LARP1B: variants seen among roughly 807,000 people sequenced by gnomAD.
LARP1B encodes the protein La ribonucleoprotein 1B, also known as la-related protein 1B.
A neutral mutation model predicts 114.2 loss-of-function variants in LARP1B; 76 were observed. That is an observed-to-expected ratio of 0.67 (90% CI 0.55 to 0.81). The LOEUF is 0.81. Among genes scored for constraint, LARP1B ranks in the 30% least tolerant of loss-of-function variants. The probability of loss-of-function intolerance (pLI) is 0.00; values close to 1 mark genes in which losing one functional copy is unlikely to be tolerated. For synonymous variants in LARP1B, 345 were observed against 348.0 expected (o/e 0.99, Z 0.10); for missense variants, 1,014 against 1,075.8 (o/e 0.94, Z 0.80).
rs188271805 is a variant in LARP1B at position 128,169,154 on chromosome 4, T to A, written c.1648+6837T>A. The stretch of plus-strand genomic sequence containing the variant: ...TTTATAAATTTGTGTCTTTTTTGTC[T>A]TGATCGATCTAGCTAGAGGTTCATC... On this transcript the variant is annotated intron_variant, in intron 12 of 19. Transcript: ENST00000326639. 3.3e-5 allele frequency among the ~76,000 whole-genome samples: 5 copies of A among 152,172 alleles called. No homozygotes were observed. In the East Asian group the frequency reaches 9.7e-4, roughly 29 times the overall value.
At chr4:128,162,128 T>G (rs1738792910) in intron 11 of LARP1B, 66 bp from the exon 12 acceptor site, 8 of 1,468,984 alleles carry the variant, frequency 5.4e-6, no homozygotes, top group Non-Finnish European at 6.5e-6. Context: ...GAGGTTGGTA[T>G]CAATTATTGT....
intron 8 of LARP1B, among the ~76,000 whole-genome samples, chr4:128,105,624 G>A (rs1781806919): frequency 6.6e-6 from 1 of 152,198 alleles, no homozygotes; most frequent in Non-Finnish European, 1.5e-5. Flanking sequence ...CAGGCGTGGT[G>A]TTTCACACCT....
chr4:128,128,500 T>G lies in LARP1B; in HGVS notation c.1524+6312T>G, dbSNP rs369980873. On this transcript the variant is annotated intron_variant, in intron 11 of 19. Transcript: ENST00000326639. ...CTCAGAGCACTTATGTTAGCCTTAG[T>G]TGGGCAAAATCATTTAAACACAAGG... Among the ~76,000 whole-genome samples, 4 of 152,338 alleles carry G rather than the reference T, an allele frequency of 2.6e-5. No homozygotes were observed. The East Asian group carries it at 7.7e-4, about 29-fold the overall frequency.
At chr4:128,064,703 A>G (rs944767655) in intron 1 of LARP1B, among the ~76,000 whole-genome samples, 4 of 152,086 alleles carry the variant, frequency 2.6e-5, no homozygotes, top group Non-Finnish European at 5.9e-5. Flanking sequence ...CCAAGTAGGA[A>G]CTCTTTGTTG....
At chr4:128,061,711 G>A (rs1684507985) in intron 1 of LARP1B, 1 of 984,830 alleles carries the variant, frequency 1.0e-6, no homozygotes, top group African/African-American at 1.7e-5. Flanking sequence ...CTCGCGCCCC[G>A]ATGCCCGCCG....
chr4:128,072,942 T>C lies in LARP1B; in HGVS notation c.-77-1518T>C, dbSNP rs78038427. On this transcript the variant is annotated intron_variant, in intron 1 of 19. Transcript: ENST00000326639. Reference sequence around the variant, plus strand: ...AGCTTTGTCTGATTTCTAAAAGTTATATAGTATTCTGTGTATTATTACGTA... The same window carrying C: ...AGCTTTGTCTGATTTCTAAAAGTTACATAGTATTCTGTGTATTATTACGTA... Among the ~76,000 whole-genome samples, 1,501 of 152,296 alleles carry C rather than the reference T, an allele frequency of 9.9e-3. 23 individuals carry two copies. The highest frequency in any genetic ancestry group is 0.033 in the African/African-American group (1,373 of 41,566).
rs192226597 is a variant in LARP1B at position 128,098,753 on chromosome 4, A to G, written c.813+423A>G. 5.9e-3 allele frequency among the ~76,000 whole-genome samples: 155 copies of G among 26,090 alleles called. 12 individuals are homozygous for G. Among genetic ancestry groups the G allele is most frequent in the East Asian group, 0.025 (15 of 606 alleles). 17.1% of individuals were successfully genotyped at this position (26,090 alleles called of 152,430 possible). ...TGTTCCTGTATATGTATGTGTATAT[A>G]TATATATATATATATTTTTTTTTTT... On this transcript the variant is annotated intron_variant, in intron 8 of 19. Transcript: ENST00000326639.
intron 1 of LARP1B, among the ~76,000 whole-genome samples, chr4:128,065,331 CT>C (rs1553982928): frequency 1.4e-5 from 1 of 73,240 alleles, no homozygotes; most frequent in Non-Finnish European, 3.0e-5. Context: ...CTCTCTCTCT[CT>C]TTCCTTTCTT....
chr4:128,088,476 G>C (rs1292475218), intron 5 of LARP1B, among the ~76,000 whole-genome samples: 1 of 152,030 alleles, frequency 6.6e-6, no homozygotes, highest in African/African-American at 2.4e-5. Context: ...TTTTCCTGCT[G>C]AAAGGCTGTT....
At chr4:128,079,753 C>T (rs1035111183) in intron 4 of LARP1B, among the ~76,000 whole-genome samples, 1 of 151,102 alleles carries the variant, frequency 6.6e-6, no homozygotes, top group African/African-American at 2.4e-5. Flanking sequence ...TTTGTAGAGA[C>T]AGGGTTTTGC....
intron 11 of LARP1B, among the ~76,000 whole-genome samples, chr4:128,145,631 T>C (rs1015014163): frequency 1.1e-4 from 17 of 152,282 alleles, no homozygotes; most frequent in Middle Eastern, 3.4e-3. Flanking sequence ...TACTAAACTC[T>C]AAAGCACTAC....
chr4:128,140,826 T>C lies in LARP1B; in HGVS notation c.1524+18638T>C, dbSNP rs572408748. On this transcript the variant is annotated intron_variant, in intron 11 of 19. Coordinates refer to ENST00000326639, the MANE Select transcript of LARP1B (RefSeq NM_018078.4). Reference sequence around the variant, plus strand: ...GTCAAGGTAGGTTAATTGTCTCTGTTTTTTTTTTTGGCAGAGTCTTGCTCT... The same window carrying C: ...GTCAAGGTAGGTTAATTGTCTCTGTCTTTTTTTTTGGCAGAGTCTTGCTCT... Among the ~76,000 whole-genome samples, 270 of 145,206 alleles carry C rather than the reference T, an allele frequency of 1.9e-3. 6 individuals are homozygous for C. The highest frequency in any genetic ancestry group is 6.5e-3 in the African/African-American group (261 of 40,050).
At chr4:128,082,936 T>C (rs1177471372) in intron 5 of LARP1B, among the ~76,000 whole-genome samples, 1 of 151,646 alleles carries the variant, frequency 6.6e-6, no homozygotes, top group Non-Finnish European at 1.5e-5. Context: ...CAAAGGTCTC[T>C]GGTTTTCCTA....
intron 12 of LARP1B, among the ~76,000 whole-genome samples, chr4:128,172,780 T>C (rs1744322776): frequency 1.3e-5 from 2 of 152,210 alleles, no homozygotes; most frequent in South Asian, 4.1e-4. Flanking sequence ...AAAATTTATA[T>C]TAGGGCACTT....
chr4:128,103,110 G>A (rs1204672850), intron 8 of LARP1B, among the ~76,000 whole-genome samples: 2 of 152,100 alleles, frequency 1.3e-5, no homozygotes, highest in East Asian at 3.8e-4. Flanking sequence ...CTCAGATACT[G>A]GAAAATACTG....
rs1452267472 is a variant in LARP1B at position 128,179,363 on chromosome 4, C to T, written c.1897-43C>T. On this transcript the variant is annotated intron_variant, in intron 14 of 19. Coordinates refer to ENST00000326639, the MANE Select transcript of LARP1B (RefSeq NM_018078.4). Reference sequence around the variant, plus strand: ...GGTTTTAATTTACTTGTGAAGTTCACACTATTGAAACTAATTGCAATGCTT... The same window carrying T: ...GGTTTTAATTTACTTGTGAAGTTCATACTATTGAAACTAATTGCAATGCTT... The T allele has an allele frequency of 5.6e-6, 7 of 1,244,596 alleles. No individual in the cohort carries two copies. The African/African-American group carries it at 1.1e-4, about 19-fold the overall frequency. 77.1% of individuals were successfully genotyped at this position (1,244,596 alleles called of 1,614,324 possible).
At chr4:128,061,845 A>C in intron 1 of LARP1B, 1 of 984,278 alleles carries the variant, frequency 1.0e-6, no homozygotes, top group Non-Finnish European at 1.2e-6. Flanking sequence ...GCGAGGGAGG[A>C]GAGGGCCGCG....
intron 10 of LARP1B, among the ~76,000 whole-genome samples, chr4:128,117,603 C>T (rs968938538): frequency 2.0e-5 from 3 of 151,990 alleles, no homozygotes; most frequent in Non-Finnish European, 4.4e-5. Context: ...AGGCTGTTCT[C>T]GAACTCCTGA....
intron 4 of LARP1B, among the ~76,000 whole-genome samples, chr4:128,081,861 A>G (rs1290037042): frequency 6.6e-6 from 1 of 152,158 alleles, no homozygotes; most frequent in Non-Finnish European, 1.5e-5. Context: ...CAGCCTCCCG[A>G]GTAGCTGGGA....
Sources: gnomAD v4.1 joint callset for allele counts (sites outside exome capture counted in the v4.1 genomes callset) on GRCh38, gnomAD v4.1.1 for gene constraint, MANE v1.5 for transcripts, NCBI Gene and HGNC (gene_info 2026-07-23, HGNC 2026-07-21) for gene names.